Variants in TRAPPC9 observed in about 807,000 individuals in gnomAD.
TRAPPC9 encodes IKK2 binding protein.
In TRAPPC9, 83 loss-of-function variants were observed where a neutral mutation model predicts 124.0. The ratio of observed to expected loss-of-function variants is 0.67; its 90% CI spans 0.56 to 0.80. The LOEUF is 0.80. Ranked by LOEUF, TRAPPC9 falls within the 30% of genes least tolerant of loss-of-function variation. The pLI is 0.00. For missense variants in TRAPPC9, 1,302 were observed against 1,508.3 expected, an observed-to-expected ratio of 0.86 and a Z score of 2.27; for synonymous variants, 638 against 617.5, an observed-to-expected ratio of 1.03 and a Z score of -0.49.
At chr8:140,438,712 G>T (rs2070903868) in intron 3 of TRAPPC9, among the ~76,000 whole-genome samples, 2 of 149,588 alleles carry the variant, frequency 1.3e-5, no homozygotes, top group Admixed American at 6.7e-5. Flanking sequence ...ATTTTTTTTT[G>T]AGATGGAGTC....
chr8:139,994,905 C>G (rs553554502), intron 18 of TRAPPC9, among the ~76,000 whole-genome samples: 2 of 151,596 alleles, frequency 1.3e-5, no homozygotes, highest in African/African-American at 4.9e-5. Flanking sequence ...TGGGGAAATA[C>G]TCATATTTCA....
In TRAPPC9 at chr8:140,291,089, C is replaced by T; in HGVS notation, c.1769-11G>A. ...GAACCCACTGGAAATCTAGAAAATA[C>T]ACACACATAAATGAATCCATGTATT... On this transcript the variant is annotated splice_polypyrimidine_tract_variant and intron_variant, in intron 11 of 22. Coordinates refer to ENST00000438773, the MANE Select transcript of TRAPPC9 (RefSeq NM_001160372.4). 6.2e-7 allele frequency: 1 copy of T among 1,611,036 alleles called. No individual in the cohort carries two copies.
chr8:140,111,436 T>C (rs1290342377), intron 17 of TRAPPC9, among the ~76,000 whole-genome samples: 1 of 152,180 alleles, frequency 6.6e-6, no homozygotes. Flanking sequence ...TTACTGTTGC[T>C]GCCTCTGGAA....
intron 17 of TRAPPC9, among the ~76,000 whole-genome samples, chr8:140,060,924 A>G (rs1170007110): frequency 6.6e-6 from 1 of 152,206 alleles, no homozygotes; most frequent in East Asian, 1.9e-4. Context: ...AATGATTCCA[A>G]TATTCAGCCA....
rs192405955 is a variant in TRAPPC9 at position 140,454,503 on chromosome 8, G to T, written c.-10-3120C>A. On this transcript the variant is annotated intron_variant, in intron 1 of 22. Coordinates refer to ENST00000438773, the MANE Select transcript of TRAPPC9 (RefSeq NM_001160372.4). ...AAAATACAAAAAATTAGCCAGGCGT[G>T]GTGGCGCATGCCTGTGATCCCAGCT... Among the ~76,000 whole-genome samples the T allele has an allele frequency of 4.0e-5, 6 of 151,346 alleles. No homozygotes were observed. The East Asian group carries it at 7.8e-4, about 20-fold the overall frequency.
intron 21 of TRAPPC9, among the ~76,000 whole-genome samples, chr8:139,823,805 G>A (rs1825433371): frequency 6.6e-6 from 1 of 152,210 alleles, no homozygotes; most frequent in South Asian, 2.1e-4. Flanking sequence ...GAGGCCTGAT[G>A]GGCATCCTCA....
chr8:140,217,831 C>A (rs1369261983), intron 17 of TRAPPC9, among the ~76,000 whole-genome samples: 1 of 152,042 alleles, frequency 6.6e-6, no homozygotes, highest in African/African-American at 2.4e-5. Context: ...GCCTGGTCAA[C>A]AATGGTGAAA....
chr8:140,286,697 G>C (rs1004588887), intron 13 of TRAPPC9, among the ~76,000 whole-genome samples: 2 of 152,100 alleles, frequency 1.3e-5, no homozygotes, highest in African/African-American at 4.8e-5. Context: ...TTGGGGAGGC[G>C]AGGTAGGGAG....
At chr8:139,745,439 G>T (rs1328403263) in intron 21 of TRAPPC9, among the ~76,000 whole-genome samples, 2 of 152,392 alleles carry the variant, frequency 1.3e-5, no homozygotes, top group East Asian at 1.9e-4. Context: ...ACACCCAGGA[G>T]AGCTGAGAAA....
rs574111791 is a variant in TRAPPC9, at chr8:140,047,233, G to T, written c.2557-23154C>A. On this transcript the variant is annotated intron_variant, in intron 17 of 22. Coordinates refer to ENST00000438773, the MANE Select transcript of TRAPPC9 (RefSeq NM_001160372.4). ...CTGTGCCTCCTTCCACATCACACAC[G>T]CGCACGCACAAAACACATGCTCCTC... 1.6e-4 allele frequency among the ~76,000 whole-genome samples: 25 copies of T among 152,350 alleles called. 1 individual carries two copies. Among genetic ancestry groups the T allele is most frequent in the Admixed American group, 1.6e-3 (25 of 15,306 alleles).
intron 5 of TRAPPC9, among the ~76,000 whole-genome samples, chr8:140,412,523 C>T (rs1253379257): frequency 6.6e-6 from 1 of 152,132 alleles, no homozygotes; most frequent in Non-Finnish European, 1.5e-5. Context: ...AATCACTGTA[C>T]TGTTTATGTG....
In TRAPPC9 at chr8:140,360,190, G is replaced by C. The variant is rs140637825; in HGVS notation, c.1355C>G (p.Thr452Arg). The C allele has an allele frequency of 6.2e-7, 1 of 1,614,176 alleles. No homozygotes were observed. The highest frequency in any genetic ancestry group is 8.5e-7 in the Non-Finnish European group (1 of 1,180,018). The change falls in exon 9 of 23, where the codon ACG becomes AGG. Residue 452 changes from threonine to arginine, a missense_variant. Physicochemically the swap from Thr to Arg is moderately conservative, Grantham distance 71 (BLOSUM62 -1). Around this residue, in one of 3 missense-constraint regions of TRAPPC9, gnomAD observed 657 missense variants for 811.2 expected, o/e 0.81. Transcript: ENST00000438773. ...CTGGACCGCAGCCCAGCCTCTGTGC[G>C]TGCCTGCGATGGAAGTTACAAAACA... ...SLDPKDFSRG[T>R]HRGWAAVQMR...
chr8:140,389,086 T>C (rs992808248), intron 7 of TRAPPC9, among the ~76,000 whole-genome samples: 3 of 149,992 alleles, frequency 2.0e-5, no homozygotes, highest in African/African-American at 7.4e-5. Flanking sequence ...GCCTCCCAAG[T>C]AGCTGGGATT....
chr8:139,935,304 C>T (rs1478377391), intron 19 of TRAPPC9, among the ~76,000 whole-genome samples: 2 of 152,200 alleles, frequency 1.3e-5, no homozygotes, highest in Non-Finnish European at 2.9e-5. Context: ...GGAGCTCTCG[C>T]GTATCCTGTC....
At chr8:140,422,541 G>A (rs1437348527) in intron 5 of TRAPPC9, among the ~76,000 whole-genome samples, 3 of 152,038 alleles carry the variant, frequency 2.0e-5, no homozygotes, top group Non-Finnish European at 1.5e-5. Flanking sequence ...ATCACCTGAG[G>A]TCAGGAGTTT....
chr8:139,886,011 G>T, intron 20 of TRAPPC9, 42 bp from the exon 21 acceptor site: 2 of 1,533,686 alleles, frequency 1.3e-6, no homozygotes, highest in East Asian at 4.9e-5. Flanking sequence ...GCGGAGCCCA[G>T]GGACAGAAGA....
intron 17 of TRAPPC9, among the ~76,000 whole-genome samples, chr8:140,169,556 G>A (rs1241279932): frequency 2.0e-5 from 3 of 152,324 alleles, no homozygotes; most frequent in East Asian, 3.9e-4. Context: ...GAATGCGGAT[G>A]TGGAAGGGCA....
intron 17 of TRAPPC9, among the ~76,000 whole-genome samples, chr8:140,212,646 AT>A (rs929282359): frequency 2.0e-5 from 3 of 152,106 alleles, no homozygotes; most frequent in Non-Finnish European, 4.4e-5. Context: ...GTATTCCTTC[AT>A]TTTTAGGTTT....
At chr8:140,168,679 G>C (rs2061898303) in intron 17 of TRAPPC9, among the ~76,000 whole-genome samples, 1 of 152,202 alleles carries the variant, frequency 6.6e-6, no homozygotes, top group South Asian at 2.1e-4. Flanking sequence ...CGAAGGCAAG[G>C]ACAGACGGAT....
Sources: allele counts gnomAD v4.1 joint callset (sites outside exome capture counted in the v4.1 genomes callset), GRCh38; gene constraint gnomAD v4.1.1; regional missense constraint gnomAD v4.1.1; transcripts MANE v1.5; gene names NCBI Gene and HGNC (gene_info 2026-07-23, HGNC 2026-07-21).